Variants in DCAF4L2 observed in about 807,000 individuals in gnomAD.
The protein encoded by DCAF4L2 is DDB1- and CUL4-associated factor 4-like protein 2.
DCAF4L2 carries 13 observed loss-of-function variants against 15.5 expected under a neutral mutation model. The ratio of observed to expected loss-of-function variants is 0.84; its 90% CI spans 0.54 to 1.33. The LOEUF (loss-of-function observed/expected upper bound fraction) is 1.33, where lower values mean the gene tolerates loss of function less well. Ranked by LOEUF, DCAF4L2 falls within the 40% of genes most tolerant of loss-of-function variation. DCAF4L2 has a pLI of 0.00. For missense variants in DCAF4L2, 519 were observed against 509.6 expected, an observed-to-expected ratio of 1.02 and a Z score of -0.18; for synonymous variants, 251 against 207.0, an observed-to-expected ratio of 1.21 and a Z score of -1.83.
rs768827545 is a variant in DCAF4L2 at position 87,873,861 on chromosome 8, G to C, written c.111C>G (p.Leu37=). The C allele has an allele frequency of 6.2e-6, 10 of 1,614,026 alleles. 1 individual carries two copies. The South Asian group carries it at 9.9e-5, about 16-fold the overall frequency. ...CTATACGGCAATAGTTGGCGAATCT[G>C]AGGAAACCTAGCTGGTTCTTTCGTA... ...SMLRKNQLGF[L]RFANYCRIAR... The change falls in exon 1 of 1, where the codon CTC becomes CTG. Residue 37 remains leucine, a synonymous_variant. Transcript: ENST00000319675.
Position 87,873,014 on chromosome 8 carries a change from C to T in DCAF4L2, c.958G>A (p.Val320Met). Residue 320 changes from valine (V) to methionine (M), a missense_variant, in exon 1 of 1, where the codon GTG (valine) becomes ATG (methionine). Physicochemically the swap from Val to Met is conservative, Grantham distance 21. Transcript: ENST00000319675. ...ACTCCTTCTTCTTCGTTCACATGCA[C>T]GGGTAGGTAGGCGGAGTTATTCACA... ...GHVNNSAYLP[V>M]HVNEEEGVVA... 1.9e-6 allele frequency: 3 copies of T among 1,614,174 alleles called. No individual in the cohort carries two copies. Among genetic ancestry groups the T allele is most frequent in the Non-Finnish European group, 2.5e-6 (3 of 1,180,044 alleles).
Position 87,873,643 on chromosome 8 carries a change from G to C in DCAF4L2, c.329C>G (p.Pro110Arg), listed in dbSNP as rs1167822081. The change falls in exon 1 of 1, where the codon CCT becomes CGT. Residue 110 changes from proline to arginine, a missense_variant. Pro to Arg is a moderately radical substitution (Grantham distance 103). Coordinates refer to ENST00000319675, the MANE Select transcript of DCAF4L2 (RefSeq NM_152418.4). ...TTTGTGCGGGTATACCCGGAGCTCA[G>C]GGGTCGTCAGGCCTCGCATGGTGAT... is the stretch of plus-strand genomic sequence containing the variant. ...GIITMRGLTT[P>R]ELRVYPHKTL... 1.2e-6 allele frequency: 2 copies of C among 1,614,236 alleles called. No individual in the cohort carries two copies. The highest frequency in any genetic ancestry group is 2.2e-5 in the East Asian group (1 of 44,872).
chr8:87,872,887 T>C lies in DCAF4L2; in HGVS notation c.1085A>G (p.Asp362Gly). Residue 362 changes from aspartate to glycine, a missense_variant, in exon 1 of 1, where the codon GAC becomes GGC. Coordinates refer to ENST00000319675, the MANE Select transcript of DCAF4L2 (RefSeq NM_152418.4). ...AGAAGAGAAGGCCACACTGGGAATG[T>C]CGTTCTCCGAGGCGGGGTATGGGGA... Reference protein sequence around the residue: ...IPSPYPASENDIPSVAFSSRL... With the variant: ...IPSPYPASENGIPSVAFSSRL... 1.2e-6 allele frequency: 2 copies of C among 1,614,064 alleles called. No homozygotes were observed. Among genetic ancestry groups the C allele is most frequent in the Non-Finnish European group, 1.7e-6 (2 of 1,179,998 alleles).
chr8:87,873,422 C>G lies in DCAF4L2; in HGVS notation c.550G>C (p.Asp184His), dbSNP rs758461261. ...PGMLCSFQIP[D>H]AWSCAWSLSI... The stretch of plus-strand genomic sequence containing the variant: ...AGGGACCAGGCACAGGACCAGGCAT[C>G]AGGGATCTGGAAACTGCAAAGCATG... Residue 184 changes from aspartate (D) to histidine (H), a missense_variant, in exon 1 of 1, where the codon GAT becomes CAT. Physicochemically the swap from Asp to His is moderately conservative, Grantham distance 81. Coordinates refer to ENST00000319675, the MANE Select transcript of DCAF4L2 (RefSeq NM_152418.4). 5 of 1,614,202 alleles carry G rather than the reference C, an allele frequency of 3.1e-6. No individual in the cohort carries two copies. The East Asian group carries it at 8.9e-5, about 29-fold the overall frequency.
rs1276318702 is a variant in DCAF4L2, at chr8:87,872,351, C to T, written c.*433G>A. ...CCCCCTCCTCTCCTCTCCCACTGGC[C>T]TCTTCAAGTACAGATGATGCATGTA... On this transcript the variant is annotated 3_prime_UTR_variant, in exon 1 of 1. Transcript: ENST00000319675. 5 of 154,468 alleles carry T rather than the reference C, an allele frequency of 3.2e-5. No homozygotes were observed. The highest frequency in any genetic ancestry group is 1.2e-4 in the African/African-American group (5 of 41,460). The allele number at this position is 154,468 out of a possible 1,614,324, so 9.6% of individuals were successfully genotyped here.
At position 87,871,027 on chromosome 8, in the gene DCAF4L2, CA is replaced by C. The variant is rs1809388740; in HGVS notation, c.*1756del. 1 of 149,206 alleles carries C rather than the reference CA, an allele frequency of 6.7e-6. No homozygotes were observed. The highest frequency in any genetic ancestry group is 2.6e-5 in the African/African-American group (1 of 38,638). 9.2% of individuals were successfully genotyped at this position (149,206 alleles called of 1,614,324 possible). ...GTTTCCCCTGTCACACATCAAGTAT[CA>C]AAAACTAATTTAACTGATTTCAAAA... On this transcript the variant is annotated 3_prime_UTR_variant, in exon 1 of 1. Transcript: ENST00000319675.
chr8:87,873,772 G>C lies in DCAF4L2; in HGVS notation c.200C>G (p.Ser67Cys), dbSNP rs1211448314. The C allele has an allele frequency of 1.2e-6, 2 of 1,614,066 alleles. No homozygotes were observed. Among genetic ancestry groups the C allele is most frequent in the African/African-American group, 1.3e-5 (1 of 74,920 alleles). Residue 67 changes from serine to cysteine, a missense_variant, in exon 1 of 1, where the codon TCC (serine) becomes TGC (cysteine). Coordinates refer to ENST00000319675, the MANE Select transcript of DCAF4L2 (RefSeq NM_152418.4). ...GTTAAATCGGTCGCTTGCCAAAGAG[G>C]AGGGATCCCAGCTATGAATCTGGAC... The part of the protein sequence containing the change: ...KKVQIHSWDP[S>C]SLASDRFNRI...
At position 87,873,768 on chromosome 8, in the gene DCAF4L2, AGAG is replaced by A; in HGVS notation, c.201_203del (p.Ser68del). The A allele has an allele frequency of 6.2e-7, 1 of 1,614,126 alleles. No individual in the cohort carries two copies. Among genetic ancestry groups the A allele is most frequent in the Non-Finnish European group, 8.5e-7 (1 of 1,180,012 alleles). ...TGCGGTTAAATCGGTCGCTTGCCAA[AGAG>A]GAGGGATCCCAGCTATGAATCTGGA... On this transcript the variant is annotated inframe_deletion, in exon 1 of 1. Transcript: ENST00000319675.
Position 87,872,725 on chromosome 8 carries a change from A to C in DCAF4L2, c.*59T>G. 1 of 1,489,208 alleles carries C rather than the reference A, an allele frequency of 6.7e-7. No individual in the cohort carries two copies. Among genetic ancestry groups the C allele is most frequent in the Non-Finnish European group, 9.0e-7 (1 of 1,114,212 alleles). The allele number at this position is 1,489,208 out of a possible 1,614,324, so 92.2% of individuals were successfully genotyped here. On this transcript the variant is annotated 3_prime_UTR_variant, in exon 1 of 1. Coordinates refer to ENST00000319675, the MANE Select transcript of DCAF4L2 (RefSeq NM_152418.4). ...AAAATGCGCTCATAGAAACGGTAATACGATGCTCTTTACTTCTTTAAGTCA... is the reference window on the plus strand; with the variant it reads ...AAAATGCGCTCATAGAAACGGTAATCCGATGCTCTTTACTTCTTTAAGTCA...
rs113061626 is a variant in DCAF4L2 at position 87,873,534 on chromosome 8, G to A, written c.438C>T (p.Phe146=). The A allele has an allele frequency of 1.3e-3, 2,074 of 1,614,188 alleles. 19 individuals carry two copies. The African/African-American group carries it at 0.021, about 17-fold the overall frequency. The part of the protein sequence containing the change: ...NHLDSHLLLC[F]VGLADTPSCA... ...AGCTTGGAGTATCTGCAAGTCCCAC[G>A]AAGCACAGCAGAAGGTGGGAATCCA... The change falls in exon 1 of 1, where the codon TTC becomes TTT. Residue 146 remains phenylalanine (F), a synonymous_variant. Coordinates refer to ENST00000319675, the MANE Select transcript of DCAF4L2 (RefSeq NM_152418.4).
rs1809393777 is a variant in DCAF4L2, at chr8:87,871,322, G to A, written c.*1462C>T. On this transcript the variant is annotated 3_prime_UTR_variant, in exon 1 of 1. Coordinates refer to ENST00000319675, the MANE Select transcript of DCAF4L2 (RefSeq NM_152418.4). ...TCTTTATGCTGTCTTTCACTTTCTAGATTACTCTCATCAGCAAATCTTACT... is the reference window on the plus strand; with the variant it reads ...TCTTTATGCTGTCTTTCACTTTCTAAATTACTCTCATCAGCAAATCTTACT... 6.5e-6 allele frequency: 1 copy of A among 154,380 alleles called. No individual in the cohort carries two copies. Among genetic ancestry groups the A allele is most frequent in the Non-Finnish European group, 1.5e-5 (1 of 67,992 alleles). 9.6% of individuals were successfully genotyped at this position (154,380 alleles called of 1,614,324 possible).
chr8:87,873,455 G>A lies in DCAF4L2; in HGVS notation c.517C>T (p.Arg173Trp), dbSNP rs754751096. The A allele has an allele frequency of 3.7e-6, 6 of 1,614,068 alleles. No individual in the cohort carries two copies. The African/African-American group carries it at 4.0e-5, about 11-fold the overall frequency. ...LFIGSFPGMR[R>W]PGMLCSFQIP... ...TGGAAACTGCAAAGCATGCCAGGCC[G>A]ACGCATTCCTGGGAAGCTACCTATG... Residue 173 changes from arginine (R) to tryptophan (W), a missense_variant, in exon 1 of 1, where the codon CGG becomes TGG. By Grantham distance (101) the Arg-to-Trp change is moderately radical (BLOSUM62 -3). Transcript: ENST00000319675.
At position 87,873,141 on chromosome 8, in the gene DCAF4L2, T is replaced by G. The variant is rs1390400614; in HGVS notation, c.831A>C (p.Gln277His). The change falls in exon 1 of 1, where the codon CAA becomes CAC. Residue 277 changes from glutamine (Q) to histidine (H), a missense_variant. Physicochemically the swap from Gln to His is conservative, Grantham distance 24. Coordinates refer to ENST00000319675, the MANE Select transcript of DCAF4L2 (RefSeq NM_152418.4). Reference protein sequence around the residue: ...LSHDSAVTSLQILQDGQFLVS... With the variant: ...LSHDSAVTSLHILQDGQFLVS... ...CCAGGAATTGGCCATCTTGGAGGAT[T>G]TGCAGAGAAGTCACTGCTGAATCAT... The G allele has an allele frequency of 4.3e-6, 7 of 1,614,076 alleles. No individual in the cohort carries two copies. In the East Asian group the frequency reaches 6.7e-5, roughly 15 times the overall value.
Position 87,871,835 on chromosome 8 carries a change from T to A in DCAF4L2, c.*949A>T, listed in dbSNP as rs75412611. 3.9e-5 allele frequency: 6 copies of A among 153,016 alleles called. No individual in the cohort carries two copies. The highest frequency in any genetic ancestry group is 7.3e-5 in the Non-Finnish European group (5 of 68,044). The allele number at this position is 153,016 out of a possible 1,614,324, so 9.5% of individuals were successfully genotyped here. ...ATTATGCTTTATCCAATTGTATGACTACAGCACAAATTATTTATCAATTTT... is the reference window on the plus strand; with the variant it reads ...ATTATGCTTTATCCAATTGTATGACAACAGCACAAATTATTTATCAATTTT... On this transcript the variant is annotated 3_prime_UTR_variant, in exon 1 of 1. Coordinates refer to ENST00000319675, the MANE Select transcript of DCAF4L2 (RefSeq NM_152418.4).
rs764900782 is a variant in DCAF4L2 at position 87,873,803 on chromosome 8, T to C, written c.169A>G (p.Lys57Glu). Residue 57 changes from lysine to glutamate, a missense_variant, in exon 1 of 1, where the codon AAA (lysine) becomes GAA (glutamate). Lys to Glu is a moderately conservative substitution (Grantham distance 56). Transcript: ENST00000319675. Reference sequence around the variant, plus strand: ...TCCCAGCTATGAATCTGGACCTTTTTCCTCTGCATGCAGCTTACACGCAGC... The same window carrying C: ...TCCCAGCTATGAATCTGGACCTTTTCCCTCTGCATGCAGCTTACACGCAGC... Reference protein sequence around the residue: ...RELRVSCMQRKKVQIHSWDPS... With the variant: ...RELRVSCMQREKVQIHSWDPS... 1.1e-5 allele frequency: 17 copies of C among 1,614,162 alleles called. No individual in the cohort carries two copies. The highest frequency in any genetic ancestry group is 1.4e-5 in the Non-Finnish European group (17 of 1,180,040).
Position 87,870,871 on chromosome 8 carries a change from C to G in DCAF4L2, c.*1913G>C. On this transcript the variant is annotated 3_prime_UTR_variant, in exon 1 of 1. Coordinates refer to ENST00000319675, the MANE Select transcript of DCAF4L2 (RefSeq NM_152418.4). Reference sequence around the variant, plus strand: ...ACTTTTTTAAAAAAAATTACATCCGCAGCTAGTTCTTATTGAATGCTTACA... The same window carrying G: ...ACTTTTTTAAAAAAAATTACATCCGGAGCTAGTTCTTATTGAATGCTTACA... 6.6e-6 allele frequency: 1 copy of G among 152,152 alleles called. No individual in the cohort carries two copies. Among genetic ancestry groups the G allele is most frequent in the Admixed American group, 6.5e-5 (1 of 15,270 alleles). The allele number at this position is 152,152 out of a possible 1,614,324, so 9.4% of individuals were successfully genotyped here.
At position 87,870,917 on chromosome 8, in the gene DCAF4L2, A is replaced by G. The variant is rs1434550494; in HGVS notation, c.*1867T>C. On this transcript the variant is annotated 3_prime_UTR_variant, in exon 1 of 1. Transcript: ENST00000319675. ...TTACAATGTAAAAGGGACAATGTAT[A>G]CATCCTTTAAACCAATATCTACTTT... 1 of 152,444 alleles carries G rather than the reference A, an allele frequency of 6.6e-6. No homozygotes were observed. The highest frequency in any genetic ancestry group is 1.5e-5 in the Non-Finnish European group (1 of 68,018). The allele number at this position is 152,444 out of a possible 1,614,324, so 9.4% of individuals were successfully genotyped here.
At position 87,872,796 on chromosome 8, in the gene DCAF4L2, G is replaced by A; in HGVS notation, c.1176C>T (p.Phe392=). The part of the protein sequence containing the change: ...LMAVREDLYC[F]SYG ...GCATCCTGAAGAATTAACCGTAGGAGAAACAATAAAGGTCCTCCCGGACAG... is the reference window on the plus strand; with the variant it reads ...GCATCCTGAAGAATTAACCGTAGGAAAAACAATAAAGGTCCTCCCGGACAG... Residue 392 remains phenylalanine, a synonymous_variant, in exon 1 of 1, where the codon TTC becomes TTT. Coordinates refer to ENST00000319675, the MANE Select transcript of DCAF4L2 (RefSeq NM_152418.4). 1.3e-6 allele frequency: 2 copies of A among 1,576,278 alleles called. No individual in the cohort carries two copies. The highest frequency in any genetic ancestry group is 2.3e-5 in the South Asian group (2 of 85,158).
rs540135166 is a variant in DCAF4L2, at chr8:87,872,907, T to G, written c.1065A>C (p.Pro355=). The change falls in exon 1 of 1, where the codon CCA becomes CCC. Residue 355 remains proline, a synonymous_variant. Transcript: ENST00000319675. ...HGHLLTTIPS[P]YPASENDIPS... ...GAATGTCGTTCTCCGAGGCGGGGTA[T>G]GGGGAGGGTATGGTTGTGAGCAGGT... The G allele has an allele frequency of 5.9e-5, 96 of 1,613,982 alleles. No individual in the cohort carries two copies. The South Asian group carries it at 9.8e-4, about 16-fold the overall frequency.
Sources: gnomAD v4.1 joint callset for allele counts on GRCh38, gnomAD v4.1.1 for gene constraint, MANE v1.5 for transcripts, NCBI Gene and HGNC (gene_info 2026-07-23, HGNC 2026-07-21) for gene names.